PRMT8: variants seen among roughly 807,000 people sequenced by gnomAD.
The protein encoded by PRMT8 is protein arginine methyltransferase 8, also known as protein arginine N-methyltransferase 8.
A neutral mutation model predicts 47.1 loss-of-function variants in PRMT8; 7 were observed. The ratio of observed to expected loss-of-function variants is 0.15; its 90% CI spans 0.08 to 0.28. The LOEUF (loss-of-function observed/expected upper bound fraction) is 0.28. Among genes scored for constraint, PRMT8 ranks in the 10% least tolerant of loss-of-function variants. The pLI is 1.00. For synonymous variants in PRMT8, 188 were observed against 186.5 expected (o/e 1.01, Z -0.07); for missense variants, 237 against 505.4 (o/e 0.47, Z 5.09).
rs953102620 is a variant in PRMT8 at position 3,388,371 on chromosome 12, G to A, written c.48+6929G>A. Among the ~76,000 whole-genome samples the A allele has an allele frequency of 7.2e-5, 11 of 152,184 alleles. No homozygotes were observed. In the East Asian group the frequency reaches 9.6e-4, roughly 13 times the overall value. On this transcript the variant is annotated intron_variant, in intron 1 of 9. Transcript: ENST00000452611. ...AATCATCCCATCGGGGGCATAAAAT[G>A]TCAATGTGTCCCATCACTCACGATG... is the stretch of plus-strand genomic sequence containing the variant.
chr12:3,421,932 A>G (rs979627050), intron 1 of PRMT8, among the ~76,000 whole-genome samples: 2 of 152,134 alleles, frequency 1.3e-5, no homozygotes, highest in Non-Finnish European at 2.9e-5. Flanking sequence ...CTGGCCTGCT[A>G]CTGGGGTGGG....
At chr12:3,588,017 C>T (rs1297809813) in intron 8 of PRMT8, among the ~76,000 whole-genome samples, 1 of 152,166 alleles carries the variant, frequency 6.6e-6, no homozygotes, top group East Asian at 1.9e-4. Flanking sequence ...ACTGGGGCCC[C>T]TGGGGCTGCT....
chr12:3,591,941 T>C (rs1867315111), intron 8 of PRMT8, among the ~76,000 whole-genome samples: 1 of 152,148 alleles, frequency 6.6e-6, no homozygotes, highest in Non-Finnish European at 1.5e-5. Context: ...TCCTCATCCA[T>C]CCCTTGCTAT....
chr12:3,556,992 A>G (rs1406759248), intron 4 of PRMT8, among the ~76,000 whole-genome samples: 1 of 152,112 alleles, frequency 6.6e-6, no homozygotes, highest in Non-Finnish European at 1.5e-5. Flanking sequence ...GTCCAGATGG[A>G]GGTGCCAGTG....
At position 3,496,214 on chromosome 12, in the gene PRMT8, A is replaced by ATATATATATAT; in HGVS notation, c.75+4515_75+4516insATATATATATT. 7.5e-3 allele frequency among the ~76,000 whole-genome samples: 208 copies of ATATATATATAT among 27,788 alleles called. 14 individuals are homozygous for ATATATATATAT. The highest frequency in any genetic ancestry group is 0.013 in the Non-Finnish European group (161 of 12,654). The allele number at this position is 27,788 out of a possible 152,430, so 18.2% of individuals were successfully genotyped here. A position where few individuals can be genotyped will look rare whatever the true frequency, so the allele number is the denominator to read the frequency against. On this transcript the variant is annotated intron_variant, in intron 1 of 9. Coordinates refer to ENST00000382622, the MANE Select transcript of PRMT8 (RefSeq NM_019854.5). ...TTTGGAAACTGATATATATATATAT[A>ATATATATATAT]TTTTTTTTTTTTTTTTTTTTTTTTT...
intron 1 of PRMT8, among the ~76,000 whole-genome samples, chr12:3,536,546 G>C (rs1471864292): frequency 1.3e-5 from 2 of 152,192 alleles, no homozygotes; most frequent in African/African-American, 4.8e-5. Flanking sequence ...AGGCCAGCTA[G>C]GACTTTTTCC....
intron 4 of PRMT8, among the ~76,000 whole-genome samples, chr12:3,556,887 T>A (rs572444589): frequency 1.7e-4 from 26 of 150,756 alleles, no homozygotes; most frequent in Non-Finnish European, 3.4e-4. Flanking sequence ...GCACAGGTGG[T>A]GGGGTGGTCT....
In PRMT8 at chr12:3,564,612, T is replaced by C. The variant is rs1866688543; in HGVS notation, c.482-4094T>C. Among the ~76,000 whole-genome samples the C allele has an allele frequency of 6.6e-6, 1 of 152,214 alleles. No individual in the cohort carries two copies. Among genetic ancestry groups the C allele is most frequent in the Non-Finnish European group, 1.5e-5 (1 of 68,038 alleles). ...TCATTCTGTAATTTACCAGCCAGAG[T>C]CCTGTCATAGTTCGTTGAACAAACT... On this transcript the variant is annotated intron_variant, in intron 4 of 9. Transcript: ENST00000382622. The surrounding 1 kb of genome is among the most constrained non-coding windows in gnomAD (Gnocchi z 4.0).
At chr12:3,459,520 C>G (rs958481167) in intron 1 of PRMT8, among the ~76,000 whole-genome samples, 1 of 152,202 alleles carries the variant, frequency 6.6e-6, no homozygotes, top group Non-Finnish European at 1.5e-5. Flanking sequence ...GATTTTTTCT[C>G]TTACACCATC....
chr12:3,477,431 G>C (rs555987002), intron 1 of PRMT8, among the ~76,000 whole-genome samples: 537 of 152,328 alleles, frequency 3.5e-3, no homozygotes, highest in Non-Finnish European at 5.7e-3. Flanking sequence ...AGCAAGGAAG[G>C]GGGAGGTGGC....
At position 3,576,907 on chromosome 12, in the gene PRMT8, TC is replaced by T. The variant is rs780887694; in HGVS notation, c.751del (p.Arg251GlyfsTer5). Reference sequence around the variant, plus strand: ...GTCTATGGCTTTGACATGACCTGCATCCGGGACGTGGCCATGAAGGAGCCTC... The same window carrying T: ...GTCTATGGCTTTGACATGACCTGCATCGGGACGTGGCCATGAAGGAGCCTC... ...ENVYGFDMTC[I>X]RDVAMKEPLV... is the part of the protein sequence containing the mutation. On this transcript the variant is annotated frameshift_variant, in exon 7 of 10. Transcript: ENST00000382622. LOFTEE classifies it high-confidence loss of function. This position sits in a 1 kb window ranked among gnomAD's most constrained non-coding sequence, Gnocchi z 4.0. 6.2e-7 allele frequency: 1 copy of T among 1,614,080 alleles called. No individual in the cohort carries two copies. Among genetic ancestry groups the T allele is most frequent in the Non-Finnish European group, 8.5e-7 (1 of 1,180,000 alleles).
intron 2 of PRMT8, among the ~76,000 whole-genome samples, chr12:3,542,513 G>A (rs2137167207): frequency 6.6e-6 from 1 of 152,316 alleles, no homozygotes; most frequent in Admixed American, 6.5e-5. Flanking sequence ...TAAAAGTCAT[G>A]TTCTCCATGT....
chr12:3,486,504 A>G (rs971608921), upstream of PRMT8, among the ~76,000 whole-genome samples: 1 of 152,134 alleles, frequency 6.6e-6, no homozygotes, highest in Non-Finnish European at 1.5e-5. Context: ...AATATGTATT[A>G]AGTTATTGCA....
chr12:3,557,214 G>A lies in PRMT8; in HGVS notation c.481+3500G>A, dbSNP rs1202281463. 2.0e-5 allele frequency among the ~76,000 whole-genome samples: 3 copies of A among 152,166 alleles called. No homozygotes were observed. The highest frequency in any genetic ancestry group is 4.4e-5 in the Non-Finnish European group (3 of 68,026). On this transcript the variant is annotated intron_variant, in intron 4 of 9. Transcript: ENST00000382622. This position sits in a 1 kb window ranked among gnomAD's most constrained non-coding sequence, Gnocchi z 4.7. ...AGGCTCAGTGAGTCCCATCCTTGCT[G>A]TTGTGTGATCTTTCTCTTACCACTC...
intron 8 of PRMT8, among the ~76,000 whole-genome samples, chr12:3,590,984 A>G (rs1591619645): frequency 6.6e-6 from 1 of 152,116 alleles, no homozygotes; most frequent in Non-Finnish European, 1.5e-5. Flanking sequence ...CACCGCAATA[A>G]CAGGAGCTCA....
intron 1 of PRMT8, among the ~76,000 whole-genome samples, chr12:3,389,801 CT>C (rs1475982903): frequency 6.6e-6 from 1 of 152,220 alleles, no homozygotes; most frequent in African/African-American, 2.4e-5. Context: ...CCCTTTCCGT[CT>C]GCTAGTCTTC....
chr12:3,573,662 T>C (rs1866890030), intron 6 of PRMT8, among the ~76,000 whole-genome samples: 2 of 152,186 alleles, frequency 1.3e-5, no homozygotes, highest in African/African-American at 2.4e-5. Context: ...TGTGAGTCAA[T>C]CTAGTCTGTA....
At chr12:3,412,114 G>A (rs906916780) in intron 1 of PRMT8, among the ~76,000 whole-genome samples, 2 of 152,130 alleles carry the variant, frequency 1.3e-5, no homozygotes, top group African/African-American at 2.4e-5. Flanking sequence ...TGCTATAACC[G>A]ACTGCACACC....
chr12:3,567,647 C>T (rs1194817206), intron 4 of PRMT8, among the ~76,000 whole-genome samples: 1 of 152,186 alleles, frequency 6.6e-6, no homozygotes, highest in East Asian at 1.9e-4. Flanking sequence ...TAACAGTTGA[C>T]CCCGACTACC....
Sources: gnomAD v4.1 joint callset for allele counts (sites outside exome capture counted in the v4.1 genomes callset) on GRCh38, gnomAD v4.1.1 for gene constraint, Gnocchi (gnomAD v3.1) non-coding constraint, MANE v1.5 for transcripts, NCBI Gene and HGNC (gene_info 2026-07-23, HGNC 2026-07-21) for gene names.